PARD3B: variants seen among roughly 807,000 people sequenced by gnomAD.
PARD3B encodes par-3 family cell polarity regulator beta, also known as partitioning defective 3 homolog B.
A neutral mutation model predicts 130.2 loss-of-function variants in PARD3B; 103 were observed. The ratio of observed to expected loss-of-function variants is 0.79; its 90% CI spans 0.67 to 0.93. PARD3B has a LOEUF of 0.93. PARD3B is among the 40% of genes least tolerant of loss of function. The probability of loss-of-function intolerance (pLI) is 0.00; values close to 1 mark genes in which losing one functional copy is unlikely to be tolerated. For missense variants in PARD3B, 1,609 were observed against 1,499.2 expected, an observed-to-expected ratio of 1.07 and a Z score of -1.21; for synonymous variants, 583 against 553.2, an observed-to-expected ratio of 1.05 and a Z score of -0.76.
At chr2:204,864,291 A>G (rs2045325528) in intron 2 of PARD3B, among the ~76,000 whole-genome samples, 1 of 152,192 alleles carries the variant, frequency 6.6e-6, no homozygotes, top group African/African-American at 2.4e-5. Context: ...ATCCAGTCAC[A>G]ATAAATTGAC....
chr2:205,544,435 A>G (rs143301987), intron 21 of PARD3B, among the ~76,000 whole-genome samples: 1 of 152,166 alleles, frequency 6.6e-6, no homozygotes, highest in African/African-American at 2.4e-5. Flanking sequence ...GGCAAGGCAC[A>G]TACGCACACG....
At chr2:204,808,776 A>C (rs2042862841) in intron 2 of PARD3B, among the ~76,000 whole-genome samples, 1 of 152,154 alleles carries the variant, frequency 6.6e-6, no homozygotes, top group Non-Finnish European at 1.5e-5. Context: ...TATTGTGAAT[A>C]GTGTTGCAAA....
At chr2:205,381,418 G>C (rs148951481) in intron 18 of PARD3B, among the ~76,000 whole-genome samples, 5 of 150,940 alleles carry the variant, frequency 3.3e-5, no homozygotes, top group African/African-American at 1.2e-4. Flanking sequence ...TACATATGTC[G>C]TTAAGTAGTA....
intron 10 of PARD3B, among the ~76,000 whole-genome samples, chr2:205,148,194 A>G (rs1230011073): frequency 6.6e-6 from 1 of 152,046 alleles, no homozygotes; most frequent in African/African-American, 2.4e-5. Context: ...TGTTGTTTAG[A>G]GGGTGAAATA....
intron 21 of PARD3B, among the ~76,000 whole-genome samples, chr2:205,518,742 C>G (rs2050899957): frequency 1.3e-5 from 2 of 152,132 alleles, no homozygotes; most frequent in Admixed American, 1.3e-4. Context: ...ATATTTAAAG[C>G]TTCTTTCAAG....
In PARD3B at chr2:204,645,437, A is replaced by G. The variant is rs553549277; in HGVS notation, c.121-40744A>G. ...ACATTTTTATTTTCATAAGCAGTTC[A>G]TTAATTATGTGAAGAAAAAAATTTT... On this transcript the variant is annotated intron_variant, in intron 1 of 22. Transcript: ENST00000406610. Among the ~76,000 whole-genome samples, 4 of 152,300 alleles carry G rather than the reference A, an allele frequency of 2.6e-5. 1 individual carries two copies. Among genetic ancestry groups the G allele is most frequent in the African/African-American group, 9.6e-5 (4 of 41,582 alleles).
chr2:204,567,812 A>AT (rs1181751615), intron 1 of PARD3B, among the ~76,000 whole-genome samples: 2 of 152,156 alleles, frequency 1.3e-5, no homozygotes, highest in Non-Finnish European at 2.9e-5. Flanking sequence ...ATGCTGTATC[A>AT]TTTTACAGTC....
intron 20 of PARD3B, among the ~76,000 whole-genome samples, chr2:205,468,879 G>A (rs377377305): frequency 3.0e-4 from 46 of 151,750 alleles, no homozygotes; most frequent in African/African-American, 9.9e-4. Context: ...AAGCCCTTCC[G>A]TCCTCCCAAT....
chr2:204,628,053 ATTC>A (rs1411293136), intron 1 of PARD3B, among the ~76,000 whole-genome samples: 2 of 151,418 alleles, frequency 1.3e-5, no homozygotes, highest in African/African-American at 4.9e-5. Flanking sequence ...GCCCAAGACA[ATTC>A]TTCTGCTTCC....
chr2:205,315,197 GGA>G (rs2042522220), intron 18 of PARD3B, among the ~76,000 whole-genome samples: 1 of 152,102 alleles, frequency 6.6e-6, no homozygotes, highest in Non-Finnish European at 1.5e-5. Context: ...GAGCAGCTCT[GGA>G]ACTATTCTAC....
intron 2 of PARD3B, among the ~76,000 whole-genome samples, chr2:204,766,610 A>G (rs1016201632): frequency 1.3e-5 from 2 of 152,130 alleles, no homozygotes; most frequent in African/African-American, 4.8e-5. Context: ...TCTAAGACAG[A>G]ATAGCTAGCA....
At chr2:205,308,936 C>G (rs2042280171) in intron 18 of PARD3B, among the ~76,000 whole-genome samples, 1 of 152,202 alleles carries the variant, frequency 6.6e-6, no homozygotes, top group Admixed American at 6.5e-5. Flanking sequence ...TCATCCCACC[C>G]TTGGTGACGG....
intron 2 of PARD3B, among the ~76,000 whole-genome samples, chr2:204,804,581 A>G (rs935855759): frequency 1.3e-5 from 2 of 152,196 alleles, no homozygotes; most frequent in African/African-American, 2.4e-5. Context: ...TGGACAGATC[A>G]TCCAGAGTAT....
intron 5 of PARD3B, among the ~76,000 whole-genome samples, chr2:205,108,016 A>C (rs906299809): frequency 1.3e-5 from 2 of 151,992 alleles, no homozygotes; most frequent in Admixed American, 1.3e-4. Flanking sequence ...CTTTTGTTTC[A>C]TTCTTAAAAC....
intron 21 of PARD3B, among the ~76,000 whole-genome samples, chr2:205,513,221 A>C (rs1460910739): frequency 1.3e-5 from 2 of 152,126 alleles, no homozygotes; most frequent in African/African-American, 2.4e-5. Flanking sequence ...ATGATCAGAA[A>C]AAAACAAAAC....
chr2:205,485,584 T>G (rs1411695945), intron 20 of PARD3B, among the ~76,000 whole-genome samples: 2 of 152,100 alleles, frequency 1.3e-5, no homozygotes. Flanking sequence ...CTCCCAGAGT[T>G]CTCTTGATAT....
chr2:205,217,174 A>C (rs749009224), intron 15 of PARD3B, among the ~76,000 whole-genome samples: 1 of 152,204 alleles, frequency 6.6e-6, no homozygotes. Context: ...CTAGCCAGAA[A>C]GTAGCTAGGG....
chr2:205,188,106 T>C (rs2036198356), intron 14 of PARD3B, among the ~76,000 whole-genome samples: 1 of 152,188 alleles, frequency 6.6e-6, no homozygotes, highest in African/African-American at 2.4e-5. Flanking sequence ...AAGCATTAGA[T>C]ACAAAATGCA....
chr2:205,118,886 C>T, intron 6 of PARD3B, 35 bp from the exon 7 acceptor site: 1 of 1,352,328 alleles, frequency 7.4e-7, no homozygotes, highest in Non-Finnish European at 1.0e-6. Context: ...ATTTATTATT[C>T]AGTAATTATA....
Sources: gnomAD v4.1 joint callset for allele counts (sites outside exome capture counted in the v4.1 genomes callset) on GRCh38, gnomAD v4.1.1 for gene constraint, MANE v1.5 for transcripts, NCBI Gene and HGNC (gene_info 2026-07-23, HGNC 2026-07-21) for gene names.